RAD18: variants seen among roughly 807,000 people sequenced by gnomAD.
RAD18 encodes RAD18 E3 ubiquitin protein ligase.
A neutral mutation model predicts 60.4 loss-of-function variants in RAD18; 47 were observed. That is an observed-to-expected ratio of 0.78 (90% confidence interval 0.62 to 0.99). The LOEUF (loss-of-function observed/expected upper bound fraction) is 0.99, where lower values mean the gene tolerates loss of function less well. Ranked by LOEUF, RAD18 falls within the 50% of genes least tolerant of loss-of-function variation. The probability of loss-of-function intolerance (pLI) is 0.00; values close to 1 mark genes in which losing one functional copy is unlikely to be tolerated. For synonymous variants in RAD18, 225 were observed against 195.5 expected (o/e 1.15, Z -1.26); for missense variants, 640 against 593.3 (o/e 1.08, Z -0.82).
chr3:8,958,793 T>G (rs1002824243), intron 2 of RAD18, 127 bp downstream of exon 2: 130 of 717,716 alleles, frequency 1.8e-4, no homozygotes, highest in Non-Finnish European at 2.9e-4. Context: ...AAAGACCTTC[T>G]GAAAAACTAC....
chr3:8,881,445 T>C lies in RAD18; in HGVS notation c.1400A>G (p.Asp467Gly). Residue 467 changes from aspartate (D) to glycine (G), a missense_variant, in exon 13 of 13, where the codon GAC becomes GGC. Physicochemically the swap from Asp to Gly is moderately conservative, Grantham distance 94. Transcript: ENST00000264926. The part of the protein sequence containing the change: ...WEASHKNDLQ[D>G]TEISPRQNRR... The stretch of plus-strand genomic sequence containing the variant: ...ATTCTGTCTTGGACTTATTTCTGTG[T>C]CTTGAAGATCGTTTCTGAAGACAGA... The C allele has an allele frequency of 1.2e-6, 2 of 1,609,034 alleles. No individual in the cohort carries two copies. Among genetic ancestry groups the C allele is most frequent in the Non-Finnish European group, 1.7e-6 (2 of 1,175,494 alleles).
chr3:8,962,820 G>C (rs1048458664), intron 1 of RAD18, among the ~76,000 whole-genome samples: 1 of 152,162 alleles, frequency 6.6e-6, no homozygotes, highest in Non-Finnish European at 1.5e-5. Flanking sequence ...GAAGAGTGAA[G>C]GTGTGTTAGA....
intron 1 of RAD18, among the ~76,000 whole-genome samples, chr3:8,959,569 A>G (rs977522876): frequency 4.6e-5 from 7 of 152,196 alleles, no homozygotes; most frequent in Admixed American, 3.3e-4. Context: ...TCGGCATGGT[A>G]CTACACATGC....
At chr3:8,921,432 T>C (rs1940318632) in intron 7 of RAD18, among the ~76,000 whole-genome samples, 1 of 152,082 alleles carries the variant, frequency 6.6e-6, no homozygotes, top group Non-Finnish European at 1.5e-5. Flanking sequence ...CAGGGGAATC[T>C]CTTGAGGCTA....
At chr3:8,883,055 G>A (rs1487817007) in intron 12 of RAD18, among the ~76,000 whole-genome samples, 10 of 152,168 alleles carry the variant, frequency 6.6e-5, no homozygotes, top group Non-Finnish European at 1.2e-4. Flanking sequence ...GAACTTGAAG[G>A]TATGTCAATA....
intron 1 of RAD18, among the ~76,000 whole-genome samples, chr3:8,960,636 T>A (rs1161310699): frequency 1.3e-5 from 2 of 152,230 alleles, no homozygotes; most frequent in Non-Finnish European, 2.9e-5. Context: ...AACAACTCTG[T>A]AGTTTAATCT....
At chr3:8,902,066 T>C (rs1466700019) in intron 10 of RAD18, among the ~76,000 whole-genome samples, 1 of 152,158 alleles carries the variant, frequency 6.6e-6, no homozygotes, top group Non-Finnish European at 1.5e-5. Context: ...TTCACTCTCT[T>C]TACAGGATCT....
chr3:8,940,324 G>A (rs548133573), intron 5 of RAD18, among the ~76,000 whole-genome samples: 19 of 152,120 alleles, frequency 1.2e-4, no homozygotes, highest in East Asian at 5.8e-4. Flanking sequence ...ATGGTTTATC[G>A]TAAAATTTCA....
intron 7 of RAD18, among the ~76,000 whole-genome samples, chr3:8,934,272 T>C (rs892479225): frequency 1.8e-4 from 28 of 152,200 alleles, no homozygotes; most frequent in East Asian, 1.9e-4. Flanking sequence ...ATGTAATGAA[T>C]TGGACTATTT....
chr3:8,956,315 T>TA (rs1941008819), intron 2 of RAD18, among the ~76,000 whole-genome samples: 1 of 152,150 alleles, frequency 6.6e-6, no homozygotes, highest in South Asian at 2.1e-4. Flanking sequence ...CAGTGACAAT[T>TA]ACTGCCATGC....
chr3:8,924,133 C>G (rs200590922), intron 7 of RAD18, among the ~76,000 whole-genome samples: 1 of 152,112 alleles, frequency 6.6e-6, no homozygotes, highest in Non-Finnish European at 1.5e-5. Context: ...GATAAAGAGT[C>G]AAGACCCATC....
intron 12 of RAD18, among the ~76,000 whole-genome samples, chr3:8,887,210 C>A (rs1407987252): frequency 2.6e-5 from 4 of 152,206 alleles, no homozygotes; most frequent in African/African-American, 7.2e-5. Flanking sequence ...GTTCACTAAT[C>A]TGTAGTCTAA....
chr3:8,915,586 T>C (rs1177335975), intron 7 of RAD18, among the ~76,000 whole-genome samples: 14 of 136,156 alleles, frequency 1.0e-4, no homozygotes, highest in Admixed American at 5.9e-4. Context: ...GCTATTTTCC[T>C]TTTTTTTTTT....
At chr3:8,904,831 T>C (rs894214870) in intron 9 of RAD18, among the ~76,000 whole-genome samples, 5 of 152,306 alleles carry the variant, frequency 3.3e-5, no homozygotes, top group Admixed American at 3.3e-4. Context: ...ACATAAAGAC[T>C]GGAGATTTAA....
intron 6 of RAD18, among the ~76,000 whole-genome samples, chr3:8,936,638 A>T (rs1473809166): frequency 6.6e-6 from 1 of 152,230 alleles, no homozygotes; most frequent in East Asian, 1.9e-4. Context: ...TCAAAATAAG[A>T]ATAGCAAAGA....
Position 8,941,482 on chromosome 3 carries a change from T to A in RAD18, c.589A>T (p.Lys197Ter), listed in dbSNP as rs138830303. 6.0e-5 allele frequency: 97 copies of A among 1,605,110 alleles called. No individual in the cohort carries two copies. The highest frequency in any genetic ancestry group is 6.8e-5 in the Non-Finnish European group (80 of 1,173,876). The change falls in exon 5 of 13, where the codon AAA becomes TAA. Residue 197 changes from lysine (K) to a stop codon, truncating the protein, a stop_gained. Coordinates refer to ENST00000264926, the MANE Select transcript of RAD18 (RefSeq NM_020165.4). LOFTEE classifies it high-confidence loss of function. ...AACTTCCTACCTTTAGTAACTTGTT[T>A]CAAAGTGGATGTCGAGGGTGGCTCA... The part of the protein sequence containing the change: ...RPEPPSTSTL[K>*]QVTKVDCPVC...
intron 1 of RAD18, among the ~76,000 whole-genome samples, chr3:8,962,939 C>T (rs553471266): frequency 6.6e-6 from 1 of 152,326 alleles, no homozygotes; most frequent in East Asian, 1.9e-4. Context: ...TACGTGATTA[C>T]ATACATGTTA....
At chr3:8,952,106 T>C (rs1940936686) in intron 2 of RAD18, among the ~76,000 whole-genome samples, 3 of 152,192 alleles carry the variant, frequency 2.0e-5, no homozygotes, top group African/African-American at 7.2e-5. Flanking sequence ...TTAGGGGGGA[T>C]AAAATTCACT....
At chr3:8,896,432 A>C (rs1461672453) in intron 11 of RAD18, among the ~76,000 whole-genome samples, 5 of 152,064 alleles carry the variant, frequency 3.3e-5, no homozygotes, top group African/African-American at 1.2e-4. Flanking sequence ...CAGCAAAAAA[A>C]AGCAGAAGAA....
Sources: gnomAD v4.1 joint callset for allele counts (sites outside exome capture counted in the v4.1 genomes callset) on GRCh38, gnomAD v4.1.1 for gene constraint, MANE v1.5 for transcripts, NCBI Gene and HGNC (gene_info 2026-07-23, HGNC 2026-07-21) for gene names.